The following PDE11A variants were observed in gnomAD, a reference collection of about 807,000 sequenced individuals.
PDE11A encodes the protein phosphodiesterase 11A.
PDE11A carries 100 observed loss-of-function variants against 100.5 expected under a neutral mutation model. The ratio of observed to expected loss-of-function variants is 1.00; its 90% CI spans 0.85 to 1.18. The LOEUF (loss-of-function observed/expected upper bound fraction) is 1.18. Ranked by LOEUF, PDE11A falls within the 50% of genes most tolerant of loss-of-function variation. The pLI is 0.00. For missense variants in PDE11A, 1,141 were observed against 1,152.6 expected (o/e 0.99, Z 0.15); for synonymous variants, 381 against 420.8 (o/e 0.91, Z 1.16).
rs528467210 is a variant in PDE11A at position 177,663,930 on chromosome 2, C to G, written c.2582G>C (p.Arg861Pro). The G allele has an allele frequency of 1.2e-6, 2 of 1,611,062 alleles. No individual in the cohort carries two copies. Among genetic ancestry groups the G allele is most frequent in the Admixed American group, 3.3e-5 (2 of 60,006 alleles). Residue 861 changes from arginine to proline, a missense_variant, in exon 19 of 20, where the codon CGG becomes CCG. By Grantham distance (103) the Arg-to-Pro change is moderately radical. Coordinates refer to ENST00000286063, the MANE Select transcript of PDE11A (RefSeq NM_016953.4). ...TTGCAACCGAGGCAGTTCATCCTTC[C>G]GGTTCCGATCAAAAATTGCCTAGAA... ...LTPSAIFDRN[R>P]KDELPRLQLE...
At chr2:177,664,603 G>T (rs113574758) in intron 18 of PDE11A, among the ~76,000 whole-genome samples, 1 of 152,092 alleles carries the variant, frequency 6.6e-6, no homozygotes, top group Non-Finnish European at 1.5e-5. Context: ...AAAAATAAAT[G>T]ACATTTTTCT....
intron 10 of PDE11A, among the ~76,000 whole-genome samples, chr2:177,745,200 G>C (rs1203658693): frequency 6.6e-6 from 1 of 152,178 alleles, no homozygotes; most frequent in African/African-American, 2.4e-5. Context: ...TGGCATGAAA[G>C]AGAGAGAAAC....
intron 13 of PDE11A, among the ~76,000 whole-genome samples, chr2:177,706,110 A>G (rs1370663): frequency 0.65 from 98,275 of 152,164 alleles, 34,599 homozygotes; most frequent in East Asian, 0.84. Flanking sequence ...TAAGAACAAA[A>G]TATGAAAATG....
At chr2:177,859,502 T>C (rs2083907166) in intron 5 of PDE11A, among the ~76,000 whole-genome samples, 1 of 151,656 alleles carries the variant, frequency 6.6e-6, no homozygotes, top group African/African-American at 2.4e-5. Context: ...AAAGGACAAA[T>C]AGATAATTCA....
intron 9 of PDE11A, among the ~76,000 whole-genome samples, chr2:177,771,052 C>T (rs1314965868): frequency 6.6e-6 from 1 of 152,158 alleles, no homozygotes; most frequent in Non-Finnish European, 1.5e-5. Context: ...TGGTCTGAAA[C>T]TCCTGGGTTC....
chr2:177,772,740 A>G (rs1024502342), intron 9 of PDE11A, among the ~76,000 whole-genome samples: 4 of 151,350 alleles, frequency 2.6e-5, no homozygotes, highest in Admixed American at 1.3e-4. Flanking sequence ...TATTTACTCC[A>G]CTAAATTGAA....
In PDE11A at chr2:178,072,697, C is replaced by T; in HGVS notation, c.-260G>A. On this transcript the variant is annotated 5_prime_UTR_variant, in exon 1 of 20. Transcript: ENST00000286063. ...CCAGCACTGAGCTGCCGCCGCTGCCCCGGCTCCTGTTCCGGAAACCCGAGC... is the reference window on the plus strand; with the variant it reads ...CCAGCACTGAGCTGCCGCCGCTGCCTCGGCTCCTGTTCCGGAAACCCGAGC... The T allele has an allele frequency of 7.1e-7, 1 of 1,401,398 alleles. No individual in the cohort carries two copies. Among genetic ancestry groups the T allele is most frequent in the Non-Finnish European group, 9.3e-7 (1 of 1,078,714 alleles). The allele number at this position is 1,401,398 out of a possible 1,614,324, so 86.8% of individuals were successfully genotyped here. A position where few individuals can be genotyped will look rare whatever the true frequency, so the allele number is the denominator to read the frequency against.
At position 177,627,092 on chromosome 2, in the gene PDE11A, G is replaced by C. The variant is rs1487481585; in HGVS notation, c.*2315C>G. 3.4e-5 allele frequency: 4 copies of C among 116,928 alleles called. No individual in the cohort carries two copies. Among genetic ancestry groups the C allele is most frequent in the Non-Finnish European group, 6.4e-5 (4 of 62,062 alleles). The allele number at this position is 116,928 out of a possible 1,614,324, so 7.2% of individuals were successfully genotyped here. On this transcript the variant is annotated 3_prime_UTR_variant, in exon 20 of 20. Coordinates refer to ENST00000286063, the MANE Select transcript of PDE11A (RefSeq NM_016953.4). ...CTGGTCGCCCAGGCTGGAGGGCAGT[G>C]ACGTGATCTCGACTCACTGCAAGCT...
At chr2:177,991,822 T>C (rs2086009116) in intron 2 of PDE11A, among the ~76,000 whole-genome samples, 1 of 151,194 alleles carries the variant, frequency 6.6e-6, no homozygotes, top group South Asian at 2.1e-4. Flanking sequence ...TAAAGAGCAT[T>C]ATCTTCTTCC....
chr2:178,064,185 G>C (rs978827776), intron 1 of PDE11A, among the ~76,000 whole-genome samples: 5 of 152,288 alleles, frequency 3.3e-5, no homozygotes, highest in African/African-American at 1.2e-4. Flanking sequence ...TGTAAGTCTA[G>C]AGCATGTTCT....
chr2:177,756,562 C>T (rs1482854060), intron 10 of PDE11A, among the ~76,000 whole-genome samples: 1 of 152,160 alleles, frequency 6.6e-6, no homozygotes, highest in Non-Finnish European at 1.5e-5. Context: ...GGACGGCCAC[C>T]TGTTCCCACA....
intron 2 of PDE11A, among the ~76,000 whole-genome samples, chr2:177,927,798 T>A (rs540653432): frequency 6.6e-6 from 1 of 152,260 alleles, no homozygotes; most frequent in South Asian, 2.1e-4. Context: ...TCATATATTA[T>A]TACAGTGGAT....
At chr2:178,001,311 T>TGTGTGTGTGTGTG (rs59287027) in intron 2 of PDE11A, among the ~76,000 whole-genome samples, 9 of 148,012 alleles carry the variant, frequency 6.1e-5, no homozygotes, top group African/African-American at 1.8e-4. Flanking sequence ...TGTGTGTGTG[T>TGTGTGTGTGTGTG]AGTAGGTTTA....
intron 1 of PDE11A, among the ~76,000 whole-genome samples, chr2:178,020,569 AT>A (rs1305854381): frequency 6.6e-6 from 1 of 152,152 alleles, no homozygotes; most frequent in African/African-American, 2.4e-5. Flanking sequence ...AGGTGGGTGG[AT>A]CACTTAAGGC....
chr2:178,072,505 C>T lies in PDE11A; in HGVS notation c.-68G>A, dbSNP rs2087149693. ...TGTTTTCCTGCCCCGAGGCCTCTAG[C>T]TGTTCCTGCACATGTTCACCCCCAC... On this transcript the variant is annotated 5_prime_UTR_variant, in exon 1 of 20. Transcript: ENST00000286063. 6.3e-7 allele frequency: 1 copy of T among 1,597,694 alleles called. No individual in the cohort carries two copies. The highest frequency in any genetic ancestry group is 8.5e-7 in the Non-Finnish European group (1 of 1,176,310).
At chr2:177,989,832 G>GA (rs1173237042) in intron 2 of PDE11A, among the ~76,000 whole-genome samples, 3 of 151,490 alleles carry the variant, frequency 2.0e-5, no homozygotes, top group East Asian at 1.9e-4. Flanking sequence ...TCATAGCACT[G>GA]AAAAAAAATA....
chr2:178,072,912 G>A (rs757253993), upstream of PDE11A: 29 of 985,434 alleles, frequency 2.9e-5, no homozygotes, highest in Non-Finnish European at 3.1e-5. Context: ...AGGCTGCCAG[G>A]CGGTTCCTGG....
chr2:177,818,958 T>C (rs1408938676), intron 7 of PDE11A, among the ~76,000 whole-genome samples: 3 of 151,782 alleles, frequency 2.0e-5, no homozygotes, highest in Non-Finnish European at 2.9e-5. Context: ...AGAAGACATA[T>C]ATATATAAAT....
At chr2:177,786,909 T>A (rs1201246676) in intron 9 of PDE11A, among the ~76,000 whole-genome samples, 1 of 151,712 alleles carries the variant, frequency 6.6e-6, no homozygotes, top group Non-Finnish European at 1.5e-5. Flanking sequence ...AATCTACGTC[T>A]GATCGGTGTA....
Sources: allele counts gnomAD v4.1 joint callset (sites outside exome capture counted in the v4.1 genomes callset), GRCh38; gene constraint gnomAD v4.1.1; transcripts MANE v1.5; gene names NCBI Gene and HGNC (gene_info 2026-07-23, HGNC 2026-07-21).